The following EDA variants were observed in gnomAD, a reference collection of about 807,000 sequenced individuals.
The protein encoded by EDA is ectodysplasin-A.
A neutral mutation model predicts 23.6 loss-of-function variants in EDA; 2 were observed. The observed-to-expected ratio is 0.08, with a 90% confidence interval of 0.03 to 0.27. The LOEUF (loss-of-function observed/expected upper bound fraction) is 0.27, where lower values mean the gene tolerates loss of function less well. Ranked by LOEUF, EDA falls within the 10% of genes least tolerant of loss-of-function variation. The probability of loss-of-function intolerance (pLI) is 1.00; values close to 1 mark genes in which losing one functional copy is unlikely to be tolerated. For missense variants in EDA, 229 were observed against 324.2 expected, an observed-to-expected ratio of 0.71 and a Z score of 2.26; for synonymous variants, 131 against 132.0, an observed-to-expected ratio of 0.99 and a Z score of 0.05.
At chrX:69,709,785 A>T (rs747907139) in intron 1 of EDA, among the ~76,000 whole-genome samples, 2 of 111,461 alleles carry the variant, frequency 1.8e-5, no homozygotes, top group African/African-American at 3.3e-5. Context: ...ATGGGCCATC[A>T]CTCCTGTCTA....
chrX:69,755,200 C>T (rs1213849211), intron 1 of EDA, among the ~76,000 whole-genome samples: 1 of 111,563 alleles, frequency 9.0e-6, no homozygotes, highest in Non-Finnish European at 1.9e-5. Context: ...GTTTTATCTA[C>T]CTTTGGTCTT....
intron 1 of EDA, among the ~76,000 whole-genome samples, chrX:69,946,650 A>G (rs771529293): frequency 1.5e-4 from 17 of 110,676 alleles, no homozygotes; most frequent in African/African-American, 5.6e-4. Flanking sequence ...TTTGTATCCT[A>G]TTCCCCTCCC....
chrX:69,966,707 G>A (rs183859287), intron 2 of EDA, among the ~76,000 whole-genome samples: 5 of 109,480 alleles, frequency 4.6e-5, no homozygotes, highest in East Asian at 2.8e-4. Flanking sequence ...AATAAACTAC[G>A]ACATAGACAT....
intron 1 of EDA, among the ~76,000 whole-genome samples, chrX:69,677,634 A>G (rs1272445570): frequency 1.8e-5 from 2 of 112,338 alleles, no homozygotes; most frequent in African/African-American, 6.5e-5. Context: ...TTCTTTTGAG[A>G]AGTGTCTGTT....
intron 1 of EDA, among the ~76,000 whole-genome samples, chrX:69,743,538 C>A (rs116182287): frequency 0.059 from 6,579 of 111,662 alleles, 185 homozygotes; most frequent in Middle Eastern, 0.092. Context: ...GATCATGTAA[C>A]AAGTTCATCT....
At chrX:69,629,775 C>T (rs937302696) in intron 1 of EDA, among the ~76,000 whole-genome samples, 1 of 111,395 alleles carries the variant, frequency 9.0e-6, no homozygotes, top group Non-Finnish European at 1.9e-5. Flanking sequence ...TCATATTCCA[C>T]TTTGACCTGC....
Position 69,866,336 on chromosome X carries a change from C to T in EDA, c.397-90691C>T, listed in dbSNP as rs780614279. ...CATGTTGATAGCCTGGGTCAACCAC[C>T]CCAGCCAACACTGTAACTCCCCTTT... On this transcript the variant is annotated intron_variant, in intron 1 of 7. Coordinates refer to ENST00000374552, the MANE Select transcript of EDA (RefSeq NM_001399.5). Among the ~76,000 whole-genome samples the T allele has an allele frequency of 6.3e-5, 7 of 111,400 alleles. No homozygotes were observed. In the East Asian group the frequency reaches 1.4e-3, roughly 22 times the overall value.
At chrX:69,860,299 A>G in intron 1 of EDA, among the ~76,000 whole-genome samples, 1 of 111,139 alleles carries the variant, frequency 9.0e-6, no homozygotes, top group East Asian at 2.8e-4. Context: ...TTCAGACTTG[A>G]TTATGTGGTT....
At chrX:70,024,516 T>C (rs2147505598) in intron 3 of EDA, among the ~76,000 whole-genome samples, 1 of 112,832 alleles carries the variant, frequency 8.9e-6, no homozygotes, top group Non-Finnish European at 1.9e-5. Context: ...ACTCTTGTCA[T>C]ATCCCTTTAA....
intron 2 of EDA, among the ~76,000 whole-genome samples, chrX:70,009,504 C>T (rs1056536756): frequency 4.5e-5 from 5 of 112,005 alleles, no homozygotes; most frequent in Non-Finnish European, 9.4e-5. Context: ...TTTAATTTTC[C>T]TTGAGACTTT....
At chrX:69,930,755 T>A (rs902042082) in intron 1 of EDA, among the ~76,000 whole-genome samples, 1 of 111,405 alleles carries the variant, frequency 9.0e-6, no homozygotes, top group African/African-American at 3.3e-5. Flanking sequence ...GACGACATGA[T>A]TATCTTTGTA....
intron 1 of EDA, among the ~76,000 whole-genome samples, chrX:69,694,091 C>A (rs1490415163): frequency 8.9e-6 from 1 of 111,799 alleles, no homozygotes; most frequent in Non-Finnish European, 1.9e-5. Context: ...TCATAATTGG[C>A]ATAATTTTTT....
At chrX:69,715,064 A>ATTTTTTTTT (rs60745776) in intron 1 of EDA, among the ~76,000 whole-genome samples, 3 of 80,124 alleles carry the variant, frequency 3.7e-5, no homozygotes, top group African/African-American at 4.5e-5. Flanking sequence ...CTTTCAACCC[A>ATTTTTTTTT]TTTTTTTTTT....
intron 1 of EDA, among the ~76,000 whole-genome samples, chrX:69,882,723 A>G (rs1286496031): frequency 9.3e-6 from 1 of 107,641 alleles, no homozygotes; most frequent in Non-Finnish European, 1.9e-5. Context: ...TTTTTTTGAG[A>G]CGGAGTTTCA....
chrX:69,863,210 C>A (rs922984013), intron 1 of EDA, among the ~76,000 whole-genome samples: 21 of 109,201 alleles, frequency 1.9e-4, no homozygotes. Context: ...AATTAAATGG[C>A]CAGAGAAAGG....
At chrX:69,980,868 T>C in intron 2 of EDA, among the ~76,000 whole-genome samples, 1 of 112,016 alleles carries the variant, frequency 8.9e-6, no homozygotes, top group Middle Eastern at 4.6e-3. Context: ...AGAACAAAAA[T>C]AAAGTCTTCC....
chrX:69,933,738 C>T (rs1230182172), intron 1 of EDA, among the ~76,000 whole-genome samples: 2 of 111,323 alleles, frequency 1.8e-5, no homozygotes, highest in African/African-American at 6.5e-5. Flanking sequence ...ATGCCTCTCT[C>T]TTGGAGCCCC....
intron 1 of EDA, among the ~76,000 whole-genome samples, chrX:69,897,723 G>A (rs878928557): frequency 9.0e-6 from 1 of 111,422 alleles, no homozygotes; most frequent in Admixed American, 9.6e-5. Flanking sequence ...GATTACTAAG[G>A]AATTCATCTG....
intron 1 of EDA, chrX:69,729,201 T>C (rs2012924495): frequency 9.0e-6 from 1 of 111,159 alleles, no homozygotes; most frequent in East Asian, 2.8e-4. Flanking sequence ...ACTTCAAAAG[T>C]TCCTACTCCC....
Sources: gnomAD v4.1 joint callset for allele counts (sites outside exome capture counted in the v4.1 genomes callset) on GRCh38, gnomAD v4.1.1 for gene constraint, MANE v1.5 for transcripts, NCBI Gene and HGNC (gene_info 2026-07-23, HGNC 2026-07-21) for gene names.